Variants in KIAA0825 observed in about 807,000 individuals in gnomAD.
KIAA0825 encodes uncharacterized protein KIAA0825.
KIAA0825 carries 119 observed loss-of-function variants against 147.6 expected under a neutral mutation model. The observed-to-expected ratio is 0.81, with a 90% CI of 0.69 to 0.94. KIAA0825 has a LOEUF of 0.94. Ranked by LOEUF, KIAA0825 falls within the 40% of genes least tolerant of loss-of-function variation. KIAA0825 has a pLI of 0.00. For synonymous variants in KIAA0825, 470 were observed against 518.1 expected (o/e 0.91, Z 1.26); for missense variants, 1,381 against 1,472.7 (o/e 0.94, Z 1.02).
At chr5:94,474,816 C>CA (rs1377374032) in intron 7 of KIAA0825, among the ~76,000 whole-genome samples, 4 of 152,194 alleles carry the variant, frequency 2.6e-5, no homozygotes, top group African/African-American at 9.6e-5. Context: ...TAAAATTCAT[C>CA]AAAAATCATG....
intron 14 of KIAA0825, among the ~76,000 whole-genome samples, chr5:94,428,820 C>T (rs1225205130): frequency 6.6e-6 from 1 of 152,166 alleles, no homozygotes; most frequent in Non-Finnish European, 1.5e-5. Context: ...CTCCATCTCT[C>T]TCAGGATGCC....
chr5:94,497,320 A>T (rs1362779238), intron 5 of KIAA0825, among the ~76,000 whole-genome samples: 1 of 152,218 alleles, frequency 6.6e-6, no homozygotes, highest in Non-Finnish European at 1.5e-5. Flanking sequence ...GAGCCAATGC[A>T]CACTTCAGCC....
At position 94,422,841 on chromosome 5, in the gene KIAA0825, G is replaced by A. The variant is rs185526872; in HGVS notation, c.2498-5476C>T. ...CTCAATCAATAATTTTACCTAAGAC[G>A]TGTTTTCCCATTAGAGCAACATCTA... On this transcript the variant is annotated intron_variant, in intron 14 of 20. Transcript: ENST00000682413. 7.2e-5 allele frequency among the ~76,000 whole-genome samples: 11 copies of A among 152,076 alleles called. No individual in the cohort carries two copies. The East Asian group carries it at 7.7e-4, about 11-fold the overall frequency.
chr5:94,251,975 T>G (rs949016962), intron 20 of KIAA0825, among the ~76,000 whole-genome samples: 1 of 152,054 alleles, frequency 6.6e-6, no homozygotes, highest in East Asian at 1.9e-4. Flanking sequence ...TATTTTAAGA[T>G]TCCTTTTGGT....
chr5:94,604,365 C>T (rs1787082135), intron 1 of KIAA0825, among the ~76,000 whole-genome samples: 1 of 152,170 alleles, frequency 6.6e-6, no homozygotes, highest in Non-Finnish European at 1.5e-5. Context: ...TTGAGACCAG[C>T]CTGGCCAACA....
intron 4 of KIAA0825, among the ~76,000 whole-genome samples, chr5:94,523,447 C>G (rs763795419): frequency 2.6e-5 from 4 of 151,550 alleles, no homozygotes; most frequent in Non-Finnish European, 5.9e-5. Flanking sequence ...GCATAAATTG[C>G]TACCTTGATT....
chr5:94,238,056 G>T (rs1298029880), intron 20 of KIAA0825, among the ~76,000 whole-genome samples: 1 of 152,130 alleles, frequency 6.6e-6, no homozygotes, highest in African/African-American at 2.4e-5. Flanking sequence ...AAGAAAAAAA[G>T]AACTGTAAAT....
chr5:94,253,241 G>C (rs1022362615), intron 20 of KIAA0825, among the ~76,000 whole-genome samples: 1 of 151,994 alleles, frequency 6.6e-6, no homozygotes, highest in Non-Finnish European at 1.5e-5. Flanking sequence ...GATTTTTATA[G>C]TGCAACCGTA....
chr5:94,520,038 A>G (rs1007163721), intron 5 of KIAA0825: 4 of 1,133,718 alleles, frequency 3.5e-6, no homozygotes, highest in Middle Eastern at 3.4e-4. Flanking sequence ...TATTTCCAAT[A>G]TCTTTAACAA....
intron 20 of KIAA0825, among the ~76,000 whole-genome samples, chr5:94,160,690 T>A (rs1027676368): frequency 6.7e-6 from 1 of 149,892 alleles, no homozygotes; most frequent in African/African-American, 2.4e-5. Flanking sequence ...TATACATGTA[T>A]GTATATTTAA....
rs567681498 is a variant in KIAA0825 at position 94,170,609 on chromosome 5, A to C, written c.3711-16485T>G. ...GGCAGGTAATGTGGCTAGAAGGCTG[A>C]CAGTCTGCTGTACATATAGACTGTA... On this transcript the variant is annotated intron_variant, in intron 20 of 20. Coordinates refer to ENST00000682413, the MANE Select transcript of KIAA0825 (RefSeq NM_001145678.3). Among the ~76,000 whole-genome samples, 5 of 152,336 alleles carry C rather than the reference A, an allele frequency of 3.3e-5. No individual in the cohort carries two copies. The East Asian group carries it at 9.6e-4, about 29-fold the overall frequency.
intron 20 of KIAA0825, among the ~76,000 whole-genome samples, chr5:94,285,837 T>G (rs1777645748): frequency 6.6e-6 from 1 of 152,108 alleles, no homozygotes; most frequent in African/African-American, 2.4e-5. Flanking sequence ...GGCTTAAGCT[T>G]CTTAAACACA....
intron 20 of KIAA0825, among the ~76,000 whole-genome samples, chr5:94,288,160 G>C (rs1052971535): frequency 7.9e-5 from 12 of 152,104 alleles, no homozygotes; most frequent in Non-Finnish European, 8.8e-5. Flanking sequence ...GATGGAAATG[G>C]AGGGACCTGT....
chr5:94,598,150 T>A (rs1785650272), intron 1 of KIAA0825, among the ~76,000 whole-genome samples: 1 of 152,112 alleles, frequency 6.6e-6, no homozygotes, highest in South Asian at 2.1e-4. Context: ...TTAAAATTAT[T>A]TTTTTACTTT....
intron 1 of KIAA0825, among the ~76,000 whole-genome samples, chr5:94,591,838 C>CTTCTCCTTGCCTTG (rs1784408044): frequency 6.6e-6 from 1 of 152,130 alleles, no homozygotes; most frequent in Non-Finnish European, 1.5e-5. Context: ...GAAGCAAAGG[C>CTTCTCCTTGCCTTG]ATATATTACA....
Position 94,168,999 on chromosome 5 carries a change from T to C in KIAA0825, c.3711-14875A>G, listed in dbSNP as rs377232305. 1.3e-3 allele frequency among the ~76,000 whole-genome samples: 199 copies of C among 152,268 alleles called. 1 individual carries two copies. Among genetic ancestry groups the C allele is most frequent in the African/African-American group, 4.3e-3 (178 of 41,538 alleles). The stretch of plus-strand genomic sequence containing the variant: ...ATTTCCTTTTTCATCAAGAAAAGGA[T>C]TACATATTTACAAATCTAAAGTTAT... On this transcript the variant is annotated intron_variant, in intron 20 of 20. Transcript: ENST00000682413.
chr5:94,446,324 T>A (rs917396209), intron 13 of KIAA0825, among the ~76,000 whole-genome samples: 2 of 152,124 alleles, frequency 1.3e-5, no homozygotes, highest in East Asian at 3.8e-4. Context: ...GACACATATA[T>A]AGTTTAAGTG....
intron 5 of KIAA0825, among the ~76,000 whole-genome samples, chr5:94,499,851 T>C (rs559415609): frequency 2.7e-4 from 41 of 152,270 alleles, no homozygotes; most frequent in African/African-American, 9.6e-4. Flanking sequence ...AGAGTCCATA[T>C]GGGGAGACAG....
At chr5:94,227,569 A>C (rs2150077640) in intron 20 of KIAA0825, among the ~76,000 whole-genome samples, 1 of 152,050 alleles carries the variant, frequency 6.6e-6, no homozygotes, top group East Asian at 1.9e-4. Context: ...AAAATAAAAA[A>C]GAAAATGTAC....
Sources: allele counts gnomAD v4.1 joint callset (sites outside exome capture counted in the v4.1 genomes callset), GRCh38; gene constraint gnomAD v4.1.1; transcripts MANE v1.5; gene names NCBI Gene and HGNC (gene_info 2026-07-23, HGNC 2026-07-21).